ZNF385B: variants seen among roughly 807,000 people sequenced by gnomAD.
ZNF385B encodes zinc finger protein 385B, also known as zinc finger protein 533.
A neutral mutation model predicts 39.2 loss-of-function variants in ZNF385B; 23 were observed. The observed-to-expected ratio is 0.59, with a 90% CI of 0.42 to 0.83. ZNF385B has a LOEUF of 0.83. ZNF385B is among the 40% of genes least tolerant of loss of function. The probability of loss-of-function intolerance (pLI) is 0.00; values close to 1 mark genes in which losing one functional copy is unlikely to be tolerated. For synonymous variants in ZNF385B, 205 were observed against 222.6 expected (o/e 0.92, Z 0.70); for missense variants, 552 against 598.9 (o/e 0.92, Z 0.82).
intron 3 of ZNF385B, among the ~76,000 whole-genome samples, chr2:179,619,210 C>T (rs557590333): frequency 5.3e-5 from 8 of 152,244 alleles, no homozygotes; most frequent in African/African-American, 1.9e-4. Context: ...TGCATGAAAA[C>T]ATTGCATTGC....
At chr2:179,728,098 A>G (rs1231862378) in intron 3 of ZNF385B, among the ~76,000 whole-genome samples, 2 of 152,128 alleles carry the variant, frequency 1.3e-5, no homozygotes, top group African/African-American at 4.8e-5. Context: ...TGACTCTTTC[A>G]GACAAAAATC....
chr2:179,451,114 G>C (rs572842543), intron 6 of ZNF385B, among the ~76,000 whole-genome samples: 3 of 117,206 alleles, frequency 2.6e-5, no homozygotes, highest in Non-Finnish European at 3.4e-5. Context: ...GTGGGGGGAG[G>C]GGGGAGGGAT....
chr2:179,699,918 T>C (rs1699051449), intron 3 of ZNF385B, among the ~76,000 whole-genome samples: 1 of 152,204 alleles, frequency 6.6e-6, no homozygotes, highest in South Asian at 2.1e-4. Flanking sequence ...TATACAATCA[T>C]CGACACCACT....
chr2:179,757,658 T>A (rs1207652011), intron 3 of ZNF385B, among the ~76,000 whole-genome samples: 2 of 152,188 alleles, frequency 1.3e-5, no homozygotes, highest in Non-Finnish European at 2.9e-5. Context: ...AGCCTCAGCA[T>A]TGGAAGGCGC....
At chr2:179,626,943 C>A (rs970222078) in intron 3 of ZNF385B, among the ~76,000 whole-genome samples, 3 of 152,106 alleles carry the variant, frequency 2.0e-5, no homozygotes, top group African/African-American at 7.2e-5. Context: ...CTCCTCTGGG[C>A]CTCAACATTC....
chr2:179,803,657 C>G (rs1470448038), intron 1 of ZNF385B, among the ~76,000 whole-genome samples: 3 of 151,920 alleles, frequency 2.0e-5, no homozygotes, highest in Admixed American at 6.6e-5. Context: ...TCTCAATGGA[C>G]AGAACAATCA....
intron 3 of ZNF385B, among the ~76,000 whole-genome samples, chr2:179,646,384 C>G (rs552944917): frequency 1.3e-5 from 2 of 152,200 alleles, no homozygotes; most frequent in Non-Finnish European, 2.9e-5. Flanking sequence ...TGCAATCCAG[C>G]GTGGATGACA....
intron 5 of ZNF385B, among the ~76,000 whole-genome samples, chr2:179,497,937 G>T (rs1368899413): frequency 1.3e-5 from 2 of 152,048 alleles, no homozygotes; most frequent in Admixed American, 1.3e-4. Flanking sequence ...AGAAAAAGTA[G>T]ATCTCAAGCC....
intron 4 of ZNF385B, among the ~76,000 whole-genome samples, chr2:179,540,429 A>G (rs547932479): frequency 6.6e-6 from 1 of 152,272 alleles, no homozygotes; most frequent in South Asian, 2.1e-4. Flanking sequence ...CTGGGCAACA[A>G]GAGTGAAACT....
chr2:179,780,779 C>T (rs1280697133), intron 1 of ZNF385B, among the ~76,000 whole-genome samples: 1 of 152,180 alleles, frequency 6.6e-6, no homozygotes, highest in East Asian at 1.9e-4. Flanking sequence ...CCAAAACTGA[C>T]ATTTAGAAAT....
At chr2:179,508,948 C>CTTT (rs370767751) in intron 5 of ZNF385B, among the ~76,000 whole-genome samples, 12 of 138,798 alleles carry the variant, frequency 8.6e-5, no homozygotes, top group African/African-American at 2.7e-4. Flanking sequence ...ATCATAATCA[C>CTTT]TTTTTTTTTT....
chr2:179,782,010 C>T (rs1177841741), intron 1 of ZNF385B, among the ~76,000 whole-genome samples: 1 of 152,146 alleles, frequency 6.6e-6, no homozygotes, highest in Non-Finnish European at 1.5e-5. Flanking sequence ...ATACCAAAAC[C>T]TGGCACAGGC....
chr2:179,814,311 G>A, intron 1 of ZNF385B: 1 of 264,868 alleles, frequency 3.8e-6, no homozygotes, highest in Non-Finnish European at 7.6e-6. Flanking sequence ...CATCCTCCCA[G>A]GAGAGGACTG....
intron 1 of ZNF385B, among the ~76,000 whole-genome samples, chr2:179,777,684 C>T (rs1328706068): frequency 1.3e-5 from 2 of 151,740 alleles, no homozygotes; most frequent in Non-Finnish European, 2.9e-5. Context: ...ACCAGCTTTG[C>T]TACCTCTAAA....
At chr2:179,599,259 C>T (rs1219575436) in intron 3 of ZNF385B, among the ~76,000 whole-genome samples, 1 of 152,172 alleles carries the variant, frequency 6.6e-6, no homozygotes, top group Non-Finnish European at 1.5e-5. Context: ...GAATATCAGA[C>T]CCAGATCTTC....
At chr2:179,660,662 T>C (rs1231543890) in intron 3 of ZNF385B, among the ~76,000 whole-genome samples, 1 of 152,198 alleles carries the variant, frequency 6.6e-6, no homozygotes, top group Non-Finnish European at 1.5e-5. Context: ...TTCAGTTTCA[T>C]GATGGATTGT....
At chr2:179,482,563 G>A (rs531314089) in intron 6 of ZNF385B, among the ~76,000 whole-genome samples, 1 of 152,230 alleles carries the variant, frequency 6.6e-6, no homozygotes, top group East Asian at 1.9e-4. Context: ...AAATTCTGCC[G>A]ATTCACTGGG....
intron 1 of ZNF385B, among the ~76,000 whole-genome samples, chr2:179,809,420 T>C (rs16867014): frequency 0.29 from 44,630 of 152,030 alleles, 6,789 homozygotes; most frequent in Non-Finnish European, 0.31. Context: ...AACATAGTAA[T>C]GCCCCACTTA....
intron 6 of ZNF385B, among the ~76,000 whole-genome samples, chr2:179,466,122 A>G (rs1002185901): frequency 2.4e-4 from 36 of 152,198 alleles, no homozygotes; most frequent in African/African-American, 8.4e-4. Flanking sequence ...ATTGTTGTCA[A>G]GTCTATATAT....
Sources: gnomAD v4.1 joint callset for allele counts (sites outside exome capture counted in the v4.1 genomes callset) on GRCh38, gnomAD v4.1.1 for gene constraint, MANE v1.5 for transcripts, NCBI Gene and HGNC (gene_info 2026-07-23, HGNC 2026-07-21) for gene names.